Variants in EPHA6 observed in about 807,000 individuals in gnomAD.
EPHA6 encodes ephrin type-A receptor 6.
Under a neutral mutation model 112.0 loss-of-function variants are expected in EPHA6, and 50 were observed. That is an observed-to-expected ratio of 0.45 (90% CI 0.36 to 0.56). The LOEUF (loss-of-function observed/expected upper bound fraction) is 0.56. Ranked by LOEUF, EPHA6 falls within the 20% of genes least tolerant of loss-of-function variation. The pLI is 0.00. For synonymous variants in EPHA6, 529 were observed against 490.7 expected, an observed-to-expected ratio of 1.08 and a Z score of -1.03; for missense variants, 1,280 against 1,417.4, an observed-to-expected ratio of 0.90 and a Z score of 1.56.
At chr3:97,476,845 A>C (rs2091382820) in intron 8 of EPHA6, among the ~76,000 whole-genome samples, 1 of 152,082 alleles carries the variant, frequency 6.6e-6, no homozygotes, top group Admixed American at 6.6e-5. Flanking sequence ...TGTTTACTTA[A>C]GTTTTTCATG....
intron 2 of EPHA6, among the ~76,000 whole-genome samples, chr3:96,907,816 C>T (rs1054439378): frequency 6.6e-6 from 1 of 151,544 alleles, no homozygotes; most frequent in African/African-American, 2.4e-5. Context: ...TTCATAGTAC[C>T]CTTCAAATAC....
intron 6 of EPHA6, among the ~76,000 whole-genome samples, chr3:97,427,437 G>C (rs902382219): frequency 6.6e-6 from 1 of 152,122 alleles, no homozygotes; most frequent in Non-Finnish European, 1.5e-5. Flanking sequence ...ACTAATGCAG[G>C]AACAGAAAAC....
At chr3:97,644,511 G>T (rs565652321) in intron 14 of EPHA6, among the ~76,000 whole-genome samples, 2 of 152,032 alleles carry the variant, frequency 1.3e-5, no homozygotes, top group African/African-American at 4.8e-5. Flanking sequence ...CTGGTTTTTT[G>T]AAAGGATCAA....
At chr3:97,448,773 ATC>A (rs775686483) in intron 7 of EPHA6, 43 bp downstream of exon 7, 12 of 1,595,906 alleles carry the variant, frequency 7.5e-6, no homozygotes, top group African/African-American at 4.0e-5. Context: ...TGAATTTAGT[ATC>A]ATTCCAATTT....
intron 11 of EPHA6, chr3:97,569,959 T>C (rs1367556016): frequency 6.6e-6 from 1 of 152,246 alleles, no homozygotes; most frequent in Non-Finnish European, 1.5e-5. Context: ...TAAGTCACCA[T>C]AGTTCTTATT....
intron 12 of EPHA6, among the ~76,000 whole-genome samples, chr3:97,607,716 T>C (rs1019819494): frequency 2.6e-5 from 4 of 151,178 alleles, no homozygotes; most frequent in African/African-American, 9.7e-5. Flanking sequence ...ATGCAAATAC[T>C]AAGATGATTC....
intron 3 of EPHA6, among the ~76,000 whole-genome samples, chr3:97,069,080 C>G (rs1225619130): frequency 6.6e-6 from 1 of 152,092 alleles, no homozygotes; most frequent in Non-Finnish European, 1.5e-5. Flanking sequence ...GTTGCCTGCA[C>G]AGTTGAAAAT....
chr3:97,324,457 C>CTTTCTT (rs2082302649), intron 5 of EPHA6, among the ~76,000 whole-genome samples: 1 of 143,960 alleles, frequency 6.9e-6, no homozygotes, highest in African/African-American at 2.6e-5. Context: ...TTCTTTCTTT[C>CTTTCTT]TTTCTTTCTT....
At chr3:96,887,063 G>A (rs59104672) in intron 2 of EPHA6, among the ~76,000 whole-genome samples, 1 of 151,946 alleles carries the variant, frequency 6.6e-6, no homozygotes, top group East Asian at 1.9e-4. Context: ...ATTGACTAAC[G>A]TCCTGAATTC....
At chr3:97,356,688 G>C (rs2084094411) in intron 5 of EPHA6, among the ~76,000 whole-genome samples, 1 of 152,016 alleles carries the variant, frequency 6.6e-6, no homozygotes, top group South Asian at 2.1e-4. Flanking sequence ...AATGTTTTCT[G>C]ATCTGTTGAA....
At chr3:97,186,453 C>G (rs1250891692) in intron 3 of EPHA6, among the ~76,000 whole-genome samples, 1 of 152,034 alleles carries the variant, frequency 6.6e-6, no homozygotes, top group Admixed American at 6.6e-5. Flanking sequence ...GAGATATGCC[C>G]CTCTCTCAAC....
intron 3 of EPHA6, among the ~76,000 whole-genome samples, chr3:97,127,490 C>T (rs1413710470): frequency 6.6e-5 from 10 of 151,968 alleles, no homozygotes; most frequent in African/African-American, 2.4e-4. Flanking sequence ...GAGGCCAAGG[C>T]GGGCAGATCA....
At chr3:97,499,963 T>C (rs924725607) in intron 10 of EPHA6, among the ~76,000 whole-genome samples, 4 of 152,152 alleles carry the variant, frequency 2.6e-5, no homozygotes, top group African/African-American at 9.7e-5. Flanking sequence ...TATAAACTTT[T>C]TAACTTTTTT....
chr3:97,396,771 A>G lies in EPHA6; in HGVS notation c.1607-8379A>G, dbSNP rs150698429. On this transcript the variant is annotated intron_variant, in intron 5 of 17. Coordinates refer to ENST00000389672, the MANE Select transcript of EPHA6 (RefSeq NM_001080448.3). ...CATTGATTTATGAGATTGAAGTAAGATAAATATACATGGTATAAAATAAGT... is the reference window on the plus strand; with the variant it reads ...CATTGATTTATGAGATTGAAGTAAGGTAAATATACATGGTATAAAATAAGT... 4.8e-3 allele frequency among the ~76,000 whole-genome samples: 723 copies of G among 151,908 alleles called. 7 individuals are homozygous for G. Among genetic ancestry groups the G allele is most frequent in the African/African-American group, 0.017 (699 of 41,530 alleles).
chr3:97,675,987 A>G (rs1282765047), intron 14 of EPHA6, among the ~76,000 whole-genome samples: 2 of 152,192 alleles, frequency 1.3e-5, no homozygotes. Flanking sequence ...CTTCCTGGGC[A>G]ATCTGAAATG....
chr3:97,473,937 T>G (rs1473949747), intron 7 of EPHA6, among the ~76,000 whole-genome samples: 1 of 151,906 alleles, frequency 6.6e-6, no homozygotes, highest in East Asian at 1.9e-4. Context: ...AAGTTCTAAT[T>G]CTAAGATTTA....
intron 13 of EPHA6, among the ~76,000 whole-genome samples, chr3:97,615,208 A>G (rs866144063): frequency 2.6e-5 from 4 of 152,082 alleles, no homozygotes; most frequent in South Asian, 2.1e-4. Context: ...ACCCCCGGAA[A>G]CCACACTTCT....
intron 14 of EPHA6, among the ~76,000 whole-genome samples, chr3:97,638,953 G>A (rs2093976694): frequency 6.6e-6 from 1 of 152,040 alleles, no homozygotes; most frequent in African/African-American, 2.4e-5. Context: ...CTTCATTATT[G>A]AGTCCTTTTT....
At chr3:97,591,852 A>T (rs1381969391) in intron 11 of EPHA6, among the ~76,000 whole-genome samples, 4 of 151,776 alleles carry the variant, frequency 2.6e-5, no homozygotes, top group African/African-American at 9.7e-5. Context: ...CGTGGCAGTG[A>T]CTCCCCTCCT....
Sources: gnomAD v4.1 joint callset for allele counts (sites outside exome capture counted in the v4.1 genomes callset) on GRCh38, gnomAD v4.1.1 for gene constraint, MANE v1.5 for transcripts, NCBI Gene and HGNC (gene_info 2026-07-23, HGNC 2026-07-21) for gene names.